Variants in TNFAIP8 observed in about 807,000 individuals in gnomAD.
TNFAIP8 encodes the protein TNF alpha induced protein 8, also known as tumor necrosis factor alpha-induced protein 8.
A neutral mutation model predicts 13.3 loss-of-function variants in TNFAIP8; 7 were observed. The ratio of observed to expected loss-of-function variants is 0.52; its 90% CI spans 0.30 to 0.99. The LOEUF is 0.99. Among genes scored for constraint, TNFAIP8 ranks in the 50% least tolerant of loss-of-function variants. TNFAIP8 has a pLI of 0.07. For missense variants in TNFAIP8, 258 were observed against 236.9 expected, an observed-to-expected ratio of 1.09 and a Z score of -0.58; for synonymous variants, 94 against 87.6, an observed-to-expected ratio of 1.07 and a Z score of -0.41.
intron 1 of TNFAIP8, among the ~76,000 whole-genome samples, chr5:119,272,971 TG>T (rs1748334670): frequency 6.6e-6 from 1 of 152,232 alleles, no homozygotes; most frequent in Non-Finnish European, 1.5e-5. Context: ...TAAACACCTC[TG>T]GGTTCGTTTC....
At chr5:119,333,424 G>C in intron 1 of TNFAIP8, 1 of 1,367,704 alleles carries the variant, frequency 7.3e-7, no homozygotes, top group East Asian at 2.6e-5. Context: ...CATTTATGTG[G>C]TAAGCTTATG....
At chr5:119,282,382 C>G (rs974732745) in intron 1 of TNFAIP8, among the ~76,000 whole-genome samples, 3 of 152,176 alleles carry the variant, frequency 2.0e-5, no homozygotes, top group African/African-American at 7.2e-5. Context: ...CTGTCCCATC[C>G]CTTTGCCTCT....
At chr5:119,335,768 G>A (rs926137904) in intron 1 of TNFAIP8, among the ~76,000 whole-genome samples, 9 of 151,854 alleles carry the variant, frequency 5.9e-5, no homozygotes, top group African/African-American at 1.9e-4. Flanking sequence ...TTCTAGGTGT[G>A]GGCAATAAAC....
chr5:119,358,125 A>C (rs1751504235), intron 1 of TNFAIP8, among the ~76,000 whole-genome samples: 1 of 146,720 alleles, frequency 6.8e-6, no homozygotes, highest in African/African-American at 2.6e-5. Context: ...CATCCTGGTG[A>C]ACTTATGTAT....
Position 119,388,939 on chromosome 5 carries a change from C to T in TNFAIP8, c.32-3877C>T, listed in dbSNP as rs146322217. On this transcript the variant is annotated intron_variant, in intron 1 of 1. Coordinates refer to ENST00000504771, the MANE Select transcript of TNFAIP8 (RefSeq NM_014350.4). ...GATTACAGGTGTGAGCCACTGCGCC[C>T]GGCCCCATTTGCAAATTTCATTTCT... Among the ~76,000 whole-genome samples the T allele has an allele frequency of 8.6e-3, 1,307 of 152,146 alleles. 20 individuals carry two copies. Among genetic ancestry groups the T allele is most frequent in the African/African-American group, 0.03 (1,250 of 41,490 alleles).
chr5:119,335,414 G>A (rs966605057), intron 1 of TNFAIP8, among the ~76,000 whole-genome samples: 1 of 152,126 alleles, frequency 6.6e-6, no homozygotes, highest in East Asian at 1.9e-4. Context: ...TCAGCTTAAG[G>A]TATGGAGCGA....
intron 1 of TNFAIP8, among the ~76,000 whole-genome samples, chr5:119,279,182 T>G (rs908706424): frequency 2.6e-5 from 4 of 152,186 alleles, no homozygotes; most frequent in African/African-American, 7.2e-5. Context: ...GAATTGAGGC[T>G]TAAGGAGGTT....
At chr5:119,345,960 A>G (rs1193421987) in intron 1 of TNFAIP8, among the ~76,000 whole-genome samples, 2 of 152,206 alleles carry the variant, frequency 1.3e-5, no homozygotes, top group African/African-American at 4.8e-5. Context: ...GCTAACAGGA[A>G]GTAAAGAGAA....
At chr5:119,339,725 TAGAC>T (rs1269178063) in intron 1 of TNFAIP8, among the ~76,000 whole-genome samples, 1 of 152,176 alleles carries the variant, frequency 6.6e-6, no homozygotes, top group Non-Finnish European at 1.5e-5. Flanking sequence ...AAATTAATTA[TAGAC>T]AGCTCTTCAA....
At chr5:119,276,333 G>A (rs1748445146) in intron 1 of TNFAIP8, among the ~76,000 whole-genome samples, 1 of 152,028 alleles carries the variant, frequency 6.6e-6, no homozygotes, top group Non-Finnish European at 1.5e-5. Context: ...GGCCAGGCTG[G>A]TCTCGAACTC....
chr5:119,325,607 C>T (rs1343643866), intron 1 of TNFAIP8, among the ~76,000 whole-genome samples: 2 of 152,218 alleles, frequency 1.3e-5, no homozygotes, highest in Admixed American at 6.5e-5. Context: ...GCCACCATAC[C>T]CGGCTAATTT....
At chr5:119,353,469 T>C (rs560798972), upstream of TNFAIP8, among the ~76,000 whole-genome samples, 23 of 152,320 alleles carry the variant, frequency 1.5e-4, no homozygotes, top group Middle Eastern at 3.4e-3. Flanking sequence ...AATGTACTTA[T>C]TCACATAAAG....
chr5:119,368,430 C>CGTGTGTGT (rs376615641), intron 1 of TNFAIP8, among the ~76,000 whole-genome samples: 3,671 of 132,972 alleles, frequency 0.028, 53 homozygotes, highest in South Asian at 0.057. Context: ...TTCTAAGCAG[C>CGTGTGTGT]GTGTGTGTGT....
At chr5:119,357,629 G>A (rs1751481446) in intron 1 of TNFAIP8, among the ~76,000 whole-genome samples, 1 of 151,814 alleles carries the variant, frequency 6.6e-6, no homozygotes, top group Admixed American at 6.6e-5. Context: ...CGAGGGCCCA[G>A]CTCTCTGGTT....
intron 1 of TNFAIP8, among the ~76,000 whole-genome samples, chr5:119,318,014 A>T (rs996178045): frequency 6.6e-6 from 1 of 152,220 alleles, no homozygotes; most frequent in South Asian, 2.1e-4. Flanking sequence ...TCTTGTATGC[A>T]GTTGTCAAAT....
At chr5:119,357,619 C>G (rs756712439) in intron 1 of TNFAIP8, among the ~76,000 whole-genome samples, 2 of 151,796 alleles carry the variant, frequency 1.3e-5, no homozygotes, top group Non-Finnish European at 2.9e-5. Flanking sequence ...CTTCCCTCCT[C>G]GAGGGCCCAG....
chr5:119,350,873 C>T lies in TNFAIP8; in HGVS notation c.2-41943C>T, dbSNP rs148705484. Among the ~76,000 whole-genome samples the T allele has an allele frequency of 3.9e-5, 6 of 152,270 alleles. No homozygotes were observed. In the East Asian group the frequency reaches 1.2e-3, roughly 29 times the overall value. On this transcript the variant is annotated intron_variant, in intron 1 of 1. Transcript: ENST00000274456. ...AGCATCTTCCTCTCACATGGTTCTG[C>T]CCCAGCCCACATCAGCCTCCCCAGT...
chr5:119,268,833 G>C, exon 1 of TNFAIP8: 1 of 702,724 alleles, frequency 1.4e-6, no homozygotes, highest in Non-Finnish European at 2.6e-6. Flanking sequence ...GCCACCGAGA[G>C]AGCAGAGAAC....
In TNFAIP8 at chr5:119,378,374, G is replaced by A. The variant is rs149482024; in HGVS notation, c.32-14442G>A. On this transcript the variant is annotated intron_variant, in intron 1 of 1. Transcript: ENST00000504771. ...GTGTCTTGATATTTAAAATGAGATC[G>A]TTTACATGAAAGCCTAGCAAATTCC... Among the ~76,000 whole-genome samples, 29 of 152,214 alleles carry A rather than the reference G, an allele frequency of 1.9e-4. No individual in the cohort carries two copies. In the East Asian group the frequency reaches 2.7e-3, roughly 14 times the overall value.
Sources: allele counts gnomAD v4.1 joint callset (sites outside exome capture counted in the v4.1 genomes callset), GRCh38; gene constraint gnomAD v4.1.1; transcripts MANE v1.5; gene names NCBI Gene and HGNC (gene_info 2026-07-23, HGNC 2026-07-21).